EDA2R: variants seen among roughly 807,000 people sequenced by gnomAD.
EDA2R encodes the protein tumor necrosis factor receptor superfamily member 27.
A neutral mutation model predicts 20.1 loss-of-function variants in EDA2R; 26 were observed. The ratio of observed to expected loss-of-function variants is 1.30; its 90% CI spans 0.95 to 1.80. The LOEUF (loss-of-function observed/expected upper bound fraction) is 1.80. EDA2R is among the 40% of genes most tolerant of loss of function. EDA2R has a pLI of 0.00. For missense variants in EDA2R, 277 were observed against 228.7 expected (o/e 1.21, Z -1.36); for synonymous variants, 114 against 88.7 (o/e 1.29, Z -1.60).
intron 2 of EDA2R, among the ~76,000 whole-genome samples, chrX:66,608,933 G>A (rs895418451): frequency 8.9e-5 from 10 of 111,779 alleles, no homozygotes; most frequent in Non-Finnish European, 1.3e-4. Flanking sequence ...AAGGGGTGAC[G>A]GTTGCATAAC....
chrX:66,632,862 T>C (rs1933970404), intron 1 of EDA2R, among the ~76,000 whole-genome samples: 1 of 112,159 alleles, frequency 8.9e-6, no homozygotes, highest in African/African-American at 3.2e-5. Context: ...TGGGCTACTT[T>C]CAACATTTCC....
At chrX:66,621,442 C>T (rs1932602676) in intron 1 of EDA2R, among the ~76,000 whole-genome samples, 1 of 112,141 alleles carries the variant, frequency 8.9e-6, no homozygotes, top group African/African-American at 3.2e-5. Flanking sequence ...ATACAAAAAC[C>T]TGTAAACAAA....
chrX:66,631,123 C>A, intron 1 of EDA2R, among the ~76,000 whole-genome samples: 1 of 109,873 alleles, frequency 9.1e-6, no homozygotes, highest in East Asian at 2.9e-4. Context: ...AAACCAAACA[C>A]TGTATGTTCC....
chrX:66,631,116 C>T (rs1437853994), intron 1 of EDA2R, among the ~76,000 whole-genome samples: 5 of 109,303 alleles, frequency 4.6e-5, no homozygotes, highest in African/African-American at 1.7e-4. Context: ...GAATGGAAAA[C>T]CAAACACTGT....
intron 2 of EDA2R, among the ~76,000 whole-genome samples, chrX:66,605,548 T>A (rs1929516322): frequency 8.9e-6 from 1 of 112,309 alleles, no homozygotes; most frequent in Non-Finnish European, 1.9e-5. Flanking sequence ...TCACTCATCA[T>A]ATTTGCCTAC....
At position 66,599,555 on chromosome X, in the gene EDA2R, C is replaced by T; in HGVS notation, c.823G>A (p.Gly275Arg). The T allele has an allele frequency of 8.4e-7, 1 of 1,190,285 alleles. No individual in the cohort carries two copies. Among genetic ancestry groups the T allele is most frequent in the Non-Finnish European group, 1.1e-6 (1 of 883,873 alleles). Residue 275 changes from glycine to arginine, a missense_variant, in exon 6 of 7, where the codon GGG becomes AGG. Transcript: ENST00000374719. ...CCAGTGCTTTCGACTGTGTTTCCCC[C>T]CAAGGTCTCAGCTCCAGTATAGGAG... ...SASYTGAETL[G>R]GNTVESTGDR... is the part of the protein sequence containing the mutation.
chrX:66,608,528 T>A (rs1213056778), intron 2 of EDA2R, among the ~76,000 whole-genome samples: 1 of 112,028 alleles, frequency 8.9e-6, no homozygotes, highest in Non-Finnish European at 1.9e-5. Flanking sequence ...AGACTTAAAG[T>A]CAGTGAGATG....
Position 66,624,424 on chromosome X carries a change from T to C in EDA2R, c.-10-8394A>G, listed in dbSNP as rs535316749. ...ATTCCATCTACTTGGGAGACTGAGG[T>C]ACAAGAATTGCTTGAACCCAGGAGG... On this transcript the variant is annotated intron_variant, in intron 1 of 6. Transcript: ENST00000374719. Among the ~76,000 whole-genome samples the C allele has an allele frequency of 4.9e-3, 547 of 111,719 alleles. 3 individuals are homozygous for C. The highest frequency in any genetic ancestry group is 0.021 in the South Asian group (55 of 2,609).
intron 2 of EDA2R, among the ~76,000 whole-genome samples, chrX:66,612,006 A>G (rs5964554): frequency 0.069 from 7,773 of 111,853 alleles, 662 homozygotes; most frequent in African/African-American, 0.24. Context: ...AAGCCATGGA[A>G]GCCAAGAAGG....
chrX:66,599,760 C>T lies in EDA2R; in HGVS notation c.618G>A (p.Glu206=), dbSNP rs898585172. 3.3e-6 allele frequency: 4 copies of T among 1,210,025 alleles called. No individual in the cohort carries two copies. The highest frequency in any genetic ancestry group is 3.4e-6 in the Non-Finnish European group (3 of 894,865). ...KETSAESQVS[E]NIFQTQPLNP... ...TAAGTGGCTGGGTCTGAAAGATGTT[C>T]TCACTCACTTGGGACTCAGCACTGG... The change falls in exon 6 of 7, where the codon GAG becomes GAA. Residue 206 remains glutamate, a synonymous_variant. Transcript: ENST00000374719.
intron 1 of EDA2R, among the ~76,000 whole-genome samples, chrX:66,634,218 A>C (rs1352118073): frequency 8.9e-6 from 1 of 111,930 alleles, no homozygotes; most frequent in African/African-American, 3.2e-5. Context: ...ATATTTCTTC[A>C]TTTTTTCTTT....
intron 1 of EDA2R, among the ~76,000 whole-genome samples, chrX:66,616,667 T>C (rs1931750880): frequency 8.9e-6 from 1 of 112,348 alleles, no homozygotes; most frequent in Non-Finnish European, 1.9e-5. Flanking sequence ...AATGTAGACA[T>C]ATTTTGGTGC....
In EDA2R at chrX:66,597,903, A is replaced by G; in HGVS notation, c.*201T>C. 2.2e-6 allele frequency: 1 copy of G among 456,856 alleles called. No individual in the cohort carries two copies. The highest frequency in any genetic ancestry group is 3.0e-6 in the Non-Finnish European group (1 of 335,618). 37.7% of individuals were successfully genotyped at this position (456,856 alleles called of 1,213,427 possible). On this transcript the variant is annotated 3_prime_UTR_variant, in exon 7 of 7. Transcript: ENST00000374719. Reference sequence around the variant, plus strand: ...TCTGGCTCCCCAGACTACAAAAGGGAAGCAAGAAATGCTCCAGATCAGTCC... The same window carrying G: ...TCTGGCTCCCCAGACTACAAAAGGGGAGCAAGAAATGCTCCAGATCAGTCC...
At chrX:66,634,017 T>C (rs1056968225) in intron 1 of EDA2R, among the ~76,000 whole-genome samples, 5 of 111,447 alleles carry the variant, frequency 4.5e-5, no homozygotes, top group African/African-American at 6.5e-5. Flanking sequence ...TCTTTTTTTT[T>C]CCCATGGCAA....
chrX:66,613,533 A>C (rs1336013806), intron 2 of EDA2R, among the ~76,000 whole-genome samples: 3 of 111,818 alleles, frequency 2.7e-5, no homozygotes, highest in Non-Finnish European at 5.6e-5. Flanking sequence ...GAAGGCATAA[A>C]ATTAATAGAT....
intron 2 of EDA2R, among the ~76,000 whole-genome samples, chrX:66,611,256 C>T (rs937233865): frequency 1.8e-5 from 2 of 111,209 alleles, no homozygotes; most frequent in South Asian, 3.8e-4. Flanking sequence ...AAATAGGACC[C>T]TGAGTCTCCT....
chrX:66,629,831 A>G, intron 1 of EDA2R, among the ~76,000 whole-genome samples: 1 of 108,483 alleles, frequency 9.2e-6, no homozygotes, highest in South Asian at 4.0e-4. Context: ...ACAGAATTAC[A>G]AAAAAAAAAT....
Position 66,597,543 on chromosome X carries a change from C to T in EDA2R, c.*561G>A, listed in dbSNP as rs1475351286. 8.9e-6 allele frequency: 1 copy of T among 112,133 alleles called. No individual in the cohort carries two copies. The highest frequency in any genetic ancestry group is 2.8e-4 in the East Asian group (1 of 3,526). The allele number at this position is 112,133 out of a possible 1,213,427, so 9.2% of individuals were successfully genotyped here. ...AAAGTGTTTGCCCTGCCTCATGCTG[C>T]AATGCAGCAGTCTGAGACATGAACT... is the stretch of plus-strand genomic sequence containing the variant. On this transcript the variant is annotated 3_prime_UTR_variant, in exon 7 of 7. Coordinates refer to ENST00000374719, the MANE Select transcript of EDA2R (RefSeq NM_021783.5).
chrX:66,626,114 AC>A (rs1412817370), intron 1 of EDA2R, among the ~76,000 whole-genome samples: 7 of 111,067 alleles, frequency 6.3e-5, no homozygotes, highest in Admixed American at 1.9e-4. Context: ...GCTCTTTAAC[AC>A]CCCCCAAAAA....
Sources: gnomAD v4.1 joint callset for allele counts (sites outside exome capture counted in the v4.1 genomes callset) on GRCh38, gnomAD v4.1.1 for gene constraint, MANE v1.5 for transcripts, NCBI Gene and HGNC (gene_info 2026-07-23, HGNC 2026-07-21) for gene names.